ANK3: variants seen among roughly 807,000 people sequenced by gnomAD.
ANK3 encodes the protein ankyrin-3.
ANK3 carries 57 observed loss-of-function variants against 370.9 expected under a neutral mutation model. The ratio of observed to expected loss-of-function variants is 0.15; its 90% confidence interval spans 0.12 to 0.19. ANK3 has a LOEUF of 0.19. Ranked by LOEUF, ANK3 falls within the 10% of genes least tolerant of loss-of-function variation. The pLI, the probability that ANK3 is intolerant of heterozygous loss-of-function variation, is 1.00. For missense variants in ANK3, 4,439 were observed against 5,302.1 expected (o/e 0.84, Z 5.06); for synonymous variants, 1,929 against 1,946.3 (o/e 0.99, Z 0.23).
intron 18 of ANK3, among the ~76,000 whole-genome samples, chr10:60,180,278 T>C (rs1354855233): frequency 6.6e-6 from 1 of 150,578 alleles, no homozygotes; most frequent in African/African-American, 2.5e-5. Context: ...GTCATTCTTT[T>C]TCATGTCAAA....
In ANK3 at chr10:60,070,913, A is replaced by G. The variant is rs151005010; in HGVS notation, c.9968T>C (p.Ile3323Thr). ...TTTTTTAACTGGGACTGGCTGATAA[A>G]TAGATTCGTCATCGCTTGAATCACT... is the stretch of plus-strand genomic sequence containing the variant. ...DVSDSSDDES[I>T]YQPVPVKKYT... Residue 3323 changes from isoleucine to threonine, a missense_variant, in exon 37 of 44, where the codon ATT (isoleucine) becomes ACT (threonine). Physicochemically the swap from Ile to Thr is moderately conservative, Grantham distance 89. Around this residue, in one of 13 missense-constraint regions of ANK3, gnomAD observed 1,601 missense variants for 1,731.7 expected, o/e 0.92. Coordinates refer to ENST00000280772, the MANE Select transcript of ANK3 (RefSeq NM_020987.5). The surrounding 1 kb of genome is among the most constrained non-coding windows in gnomAD (Gnocchi z 5.7). 1.1e-5 allele frequency: 18 copies of G among 1,613,958 alleles called. No individual in the cohort carries two copies. In the African/African-American group the frequency reaches 2.4e-4, roughly 22 times the overall value.
chr10:60,492,269 A>G (rs1014013286), intron 2 of ANK3, among the ~76,000 whole-genome samples: 5 of 152,222 alleles, frequency 3.3e-5, no homozygotes, highest in African/African-American at 1.2e-4. Flanking sequence ...TGATGACTGC[A>G]TTAGCTACCA....
intron 1 of ANK3, among the ~76,000 whole-genome samples, chr10:60,321,412 GAA>G (rs2048640263): frequency 8.8e-6 from 1 of 113,992 alleles, no homozygotes; most frequent in Admixed American, 1.1e-4. Context: ...GAAAAGAAAA[GAA>G]AAGAAAAGAA....
chr10:60,270,629 C>T (rs900503807), intron 4 of ANK3, among the ~76,000 whole-genome samples: 4 of 152,142 alleles, frequency 2.6e-5, no homozygotes, highest in Non-Finnish European at 2.9e-5. Flanking sequence ...GTCACTGTAG[C>T]TCCCAAGCAT....
chr10:60,276,476 G>A (rs2098091254), intron 4 of ANK3, among the ~76,000 whole-genome samples: 1 of 152,132 alleles, frequency 6.6e-6, no homozygotes. Context: ...GAACAATGCA[G>A]TTCAGAAGGC....
At position 60,071,077 on chromosome 10, in the gene ANK3, A is replaced by T. The variant is rs766268239; in HGVS notation, c.9804T>A (p.Asp3268Glu). 3 of 1,614,126 alleles carry T rather than the reference A, an allele frequency of 1.9e-6. No individual in the cohort carries two copies. Among genetic ancestry groups the T allele is most frequent in the East Asian group, 2.2e-5 (1 of 44,876 alleles). ...TTTCTGGGAGATAATGATGCTTCTT[A>T]TCTGACTCAATCTGGTCCGCATCCA... Reference protein sequence around the residue: ...PPLDADQIESDKKHHYLPEKE... With the variant: ...PPLDADQIESEKKHHYLPEKE... The change falls in exon 37 of 44, where the codon GAT (aspartate) becomes GAA (glutamate). Residue 3268 changes from aspartate to glutamate, a missense_variant. Asp to Glu is a conservative substitution (Grantham distance 45). Transcript: ENST00000280772.
intron 25 of ANK3, among the ~76,000 whole-genome samples, chr10:60,118,396 A>T (rs1383235383): frequency 1.3e-5 from 2 of 152,222 alleles, no homozygotes; most frequent in Non-Finnish European, 2.9e-5. Flanking sequence ...CTTTATCTGC[A>T]TTTAATGAGC....
intron 2 of ANK3, among the ~76,000 whole-genome samples, chr10:60,398,145 T>C (rs947368263): frequency 6.6e-6 from 1 of 152,228 alleles, no homozygotes. Flanking sequence ...AATGTCTCTC[T>C]AATCCAATAA....
At chr10:60,352,193 T>G (rs2056990383) in intron 1 of ANK3, among the ~76,000 whole-genome samples, 1 of 151,908 alleles carries the variant, frequency 6.6e-6, no homozygotes, top group Admixed American at 6.6e-5. Flanking sequence ...TACTCAGGAG[T>G]CTGAGGCATG....
Position 60,177,593 on chromosome 10 carries a change from CTTTTT to C in ANK3, c.2184+3731_2184+3735del, listed in dbSNP as rs771714886. Among the ~76,000 whole-genome samples the C allele has an allele frequency of 3.9e-4, 41 of 106,286 alleles. 1 individual carries two copies. Among genetic ancestry groups the C allele is most frequent in the African/African-American group, 5.8e-4 (17 of 29,438 alleles). The allele number at this position is 106,286 out of a possible 152,430, so 69.7% of individuals were successfully genotyped here. ...CCCATACCACACATGGTCTTCAAAT[CTTTTT>C]TTTTTTTTTTTTTGTTTGAGATGGA... On this transcript the variant is annotated intron_variant, in intron 18 of 43. Coordinates refer to ENST00000280772, the MANE Select transcript of ANK3 (RefSeq NM_020987.5).
chr10:60,608,379 C>T (rs1340584590), intron 2 of ANK3, among the ~76,000 whole-genome samples: 3 of 152,138 alleles, frequency 2.0e-5, no homozygotes, highest in Non-Finnish European at 4.4e-5. Flanking sequence ...TCCTACTTTT[C>T]TATGGCCTGA....
chr10:60,541,495 C>T (rs796271486), intron 2 of ANK3, among the ~76,000 whole-genome samples: 3 of 152,054 alleles, frequency 2.0e-5, no homozygotes, highest in African/African-American at 7.2e-5. Context: ...CTCTGCAATA[C>T]TGTAAAGAAA....
At chr10:60,108,180 G>T (rs956408684) in intron 27 of ANK3, 3 of 445,612 alleles carry the variant, frequency 6.7e-6, no homozygotes, top group African/African-American at 6.1e-5. Context: ...TGTCTATAAA[G>T]GTCCTACCCA....
At chr10:60,434,461 A>C (rs532559784) in intron 2 of ANK3, among the ~76,000 whole-genome samples, 5 of 152,360 alleles carry the variant, frequency 3.3e-5, no homozygotes, top group African/African-American at 1.2e-4. Context: ...TAACAAAGTG[A>C]AAACATTTTT....
intron 1 of ANK3, among the ~76,000 whole-genome samples, chr10:60,332,007 T>G (rs1266084154): frequency 6.6e-6 from 1 of 152,288 alleles, no homozygotes; most frequent in South Asian, 2.1e-4. Context: ...GTAATTCATT[T>G]GAACAACTCA....
At chr10:60,724,910 T>C (rs752029134) in intron 1 of ANK3, among the ~76,000 whole-genome samples, 1 of 152,222 alleles carries the variant, frequency 6.6e-6, no homozygotes, top group Non-Finnish European at 1.5e-5. Flanking sequence ...TAGTTTTGTT[T>C]AACTTCACCA....
chr10:60,175,519 T>A (rs1413151017), intron 18 of ANK3, among the ~76,000 whole-genome samples: 1 of 152,232 alleles, frequency 6.6e-6, no homozygotes, highest in Non-Finnish European at 1.5e-5. Flanking sequence ...TTGTCATAGC[T>A]GCCTCACTGA....
chr10:60,222,866 T>C (rs2097085012), intron 8 of ANK3, among the ~76,000 whole-genome samples: 1 of 152,226 alleles, frequency 6.6e-6, no homozygotes, highest in Non-Finnish European at 1.5e-5. Flanking sequence ...GAGCATTTCT[T>C]TGAAATCTTT....
intron 2 of ANK3, among the ~76,000 whole-genome samples, chr10:60,570,954 G>A (rs2077580515): frequency 1.3e-5 from 2 of 151,948 alleles, no homozygotes; most frequent in Non-Finnish European, 1.5e-5. Flanking sequence ...CGTGGTTCAT[G>A]TGTCTGTCTC....
Sources: gnomAD v4.1 joint callset for allele counts (sites outside exome capture counted in the v4.1 genomes callset) on GRCh38, gnomAD v4.1.1 for gene constraint, gnomAD v4.1.1 regional missense constraint, Gnocchi (gnomAD v3.1) non-coding constraint, MANE v1.5 for transcripts, NCBI Gene and HGNC (gene_info 2026-07-23, HGNC 2026-07-21) for gene names.